Variants in PPP6C observed in about 807,000 individuals in gnomAD.
PPP6C encodes protein phosphatase 6 catalytic subunit.
A neutral mutation model predicts 39.8 loss-of-function variants in PPP6C; 11 were observed. The ratio of observed to expected loss-of-function variants is 0.28; its 90% CI spans 0.17 to 0.46. The LOEUF (loss-of-function observed/expected upper bound fraction) is 0.46, where lower values mean the gene tolerates loss of function less well. PPP6C is among the 20% of genes least tolerant of loss of function. PPP6C has a pLI of 1.00. For synonymous variants in PPP6C, 129 were observed against 130.3 expected, an observed-to-expected ratio of 0.99 and a Z score of 0.07; for missense variants, 211 against 373.9, an observed-to-expected ratio of 0.56 and a Z score of 3.59.
At chr9:125,183,447 G>C (rs1053242473) in intron 1 of PPP6C, among the ~76,000 whole-genome samples, 2 of 151,982 alleles carry the variant, frequency 1.3e-5, no homozygotes, top group Non-Finnish European at 2.9e-5. Flanking sequence ...AATTTTCTTT[G>C]AATCTACTTT....
At chr9:125,171,468 C>CATAT (rs556223259) in intron 1 of PPP6C, among the ~76,000 whole-genome samples, 20 of 71,516 alleles carry the variant, frequency 2.8e-4, no homozygotes, top group Admixed American at 2.3e-3. Flanking sequence ...TATACACACA[C>CATAT]ACACACACAC....
At chr9:125,183,417 C>T (rs970295266) in intron 1 of PPP6C, among the ~76,000 whole-genome samples, 1 of 152,204 alleles carries the variant, frequency 6.6e-6, no homozygotes, top group East Asian at 1.9e-4. Context: ...CTACCACATA[C>T]AACAGTGTAT....
intron 6 of PPP6C, among the ~76,000 whole-genome samples, chr9:125,152,226 C>G (rs572929903): frequency 6.6e-6 from 1 of 152,182 alleles, no homozygotes; most frequent in East Asian, 1.9e-4. Context: ...CTCTTTTGTA[C>G]CTACTCCTTT....
chr9:125,175,071 TG>T (rs1829266701), intron 1 of PPP6C, among the ~76,000 whole-genome samples: 1 of 151,254 alleles, frequency 6.6e-6, no homozygotes, highest in African/African-American at 2.4e-5. Context: ...TAGCTGGGCG[TG>T]GTGGCAGGGC....
intron 1 of PPP6C, among the ~76,000 whole-genome samples, chr9:125,185,052 AC>A (rs1444760919): frequency 1.3e-5 from 2 of 151,698 alleles, no homozygotes; most frequent in African/African-American, 4.8e-5. Context: ...AAGTTATAGA[AC>A]CCCTGCTCCC....
chr9:125,153,472 T>C, intron 6 of PPP6C, 61 bp downstream of exon 6: 7 of 1,487,846 alleles, frequency 4.7e-6, no homozygotes, highest in South Asian at 1.2e-5. Context: ...AGGGCCACCA[T>C]AGTTCTCTAT....
chr9:125,158,719 T>TG (rs1230632352), intron 3 of PPP6C, among the ~76,000 whole-genome samples: 1 of 151,996 alleles, frequency 6.6e-6, no homozygotes, highest in Non-Finnish European at 1.5e-5. Flanking sequence ...TGGAGTGCAG[T>TG]GGCACAATCT....
intron 4 of PPP6C, 90 bp downstream of exon 4, chr9:125,158,151 T>C (rs1836126490): frequency 3.9e-6 from 5 of 1,284,322 alleles, no homozygotes; most frequent in Middle Eastern, 2.7e-4. Context: ...GAAAATAATA[T>C]ACATAAAGCA....
chr9:125,156,777 T>TC (rs1836088425), intron 4 of PPP6C, among the ~76,000 whole-genome samples: 3 of 119,362 alleles, frequency 2.5e-5, no homozygotes, highest in African/African-American at 9.7e-5. Flanking sequence ...CTCTCTCTCT[T>TC]TCAACCAAAT....
intron 4 of PPP6C, among the ~76,000 whole-genome samples, chr9:125,157,862 T>C (rs1019754163): frequency 6.6e-6 from 1 of 152,046 alleles, no homozygotes; most frequent in African/African-American, 2.4e-5. Context: ...AGCTCATTTT[T>C]GTATTTTTAG....
At chr9:125,178,940 C>A (rs1829363604) in intron 1 of PPP6C, among the ~76,000 whole-genome samples, 1 of 152,134 alleles carries the variant, frequency 6.6e-6, no homozygotes, top group Non-Finnish European at 1.5e-5. Flanking sequence ...GCAGGCCAGG[C>A]ATGGTGGCTC....
At chr9:125,179,214 T>TAAAAAAAAAAAAAA (rs1564157637) in intron 1 of PPP6C, among the ~76,000 whole-genome samples, 1 of 44,812 alleles carries the variant, frequency 2.2e-5, no homozygotes, top group East Asian at 1.1e-3. Flanking sequence ...AAACTCCATC[T>TAAAAAAAAAAAAAA]CAAAAAAAAA....
At chr9:125,171,233 G>A in intron 1 of PPP6C, 53 bp from the exon 2 acceptor site, 1 of 1,377,434 alleles carries the variant, frequency 7.3e-7, no homozygotes, top group East Asian at 2.4e-5. Flanking sequence ...TAAAACTAAA[G>A]ATAAAATACC....
chr9:125,176,527 T>C (rs1285281565), intron 1 of PPP6C, among the ~76,000 whole-genome samples: 1 of 152,060 alleles, frequency 6.6e-6, no homozygotes, highest in Non-Finnish European at 1.5e-5. Flanking sequence ...CGTGGTGGCA[T>C]GTGCCTGAAG....
At chr9:125,164,729 A>C (rs1035745818) in intron 2 of PPP6C, among the ~76,000 whole-genome samples, 8 of 151,822 alleles carry the variant, frequency 5.3e-5, no homozygotes, top group Admixed American at 5.2e-4. Flanking sequence ...GTACCACTTT[A>C]CCCAGCCTGG....
intron 4 of PPP6C, among the ~76,000 whole-genome samples, chr9:125,157,053 A>G (rs1337241387): frequency 2.0e-5 from 3 of 151,970 alleles, no homozygotes; most frequent in Admixed American, 2.0e-4. Context: ...ATATGTATAC[A>G]TGTGTCATGT....
intron 4 of PPP6C, among the ~76,000 whole-genome samples, chr9:125,157,435 A>G (rs1836107504): frequency 6.6e-6 from 1 of 152,224 alleles, no homozygotes; most frequent in South Asian, 2.1e-4. Flanking sequence ...TACATCAATT[A>G]TGCTACATCC....
At position 125,180,268 on chromosome 9, in the gene PPP6C, A is replaced by C. The variant is rs577766839; in HGVS notation, c.76-9088T>G. On this transcript the variant is annotated intron_variant, in intron 1 of 6. Coordinates refer to ENST00000373547, the MANE Select transcript of PPP6C (RefSeq NM_002721.5). ...GGCTGTCTTTCCAGTCAATTTCAAA[A>C]TATCAGTGTTGCACAGCATCCTACT... Among the ~76,000 whole-genome samples the C allele has an allele frequency of 2.6e-5, 4 of 152,328 alleles. No homozygotes were observed. The East Asian group carries it at 5.8e-4, about 22-fold the overall frequency.
chr9:125,174,392 A>C (rs1285926814), intron 1 of PPP6C, among the ~76,000 whole-genome samples: 1 of 150,076 alleles, frequency 6.7e-6, no homozygotes, highest in Non-Finnish European at 1.5e-5. Context: ...TATACAAAAA[A>C]TCAGAAAACT....
Sources: gnomAD v4.1 joint callset for allele counts (sites outside exome capture counted in the v4.1 genomes callset) on GRCh38, gnomAD v4.1.1 for gene constraint, MANE v1.5 for transcripts, NCBI Gene and HGNC (gene_info 2026-07-23, HGNC 2026-07-21) for gene names.